MCF2L2: variants seen among roughly 807,000 people sequenced by gnomAD.
MCF2L2 encodes MCF.2 cell line derived transforming sequence-like 2.
Under a neutral mutation model 150.2 loss-of-function variants are expected in MCF2L2, and 102 were observed. The ratio of observed to expected loss-of-function variants is 0.68; its 90% CI spans 0.58 to 0.80. The LOEUF (loss-of-function observed/expected upper bound fraction) is 0.80. MCF2L2 is among the 30% of genes least tolerant of loss of function. The pLI, the probability that MCF2L2 is intolerant of heterozygous loss-of-function variation, is 0.00. For missense variants in MCF2L2, 1,256 were observed against 1,372.8 expected, an observed-to-expected ratio of 0.91 and a Z score of 1.34; for synonymous variants, 465 against 491.3, an observed-to-expected ratio of 0.95 and a Z score of 0.71.
chr3:183,241,462 G>A (rs1724023591), intron 15 of MCF2L2, among the ~76,000 whole-genome samples: 2 of 152,172 alleles, frequency 1.3e-5, no homozygotes, highest in Non-Finnish European at 2.9e-5. Flanking sequence ...GGTTTTTCCT[G>A]TGCTGTTCTC....
chr3:183,361,450 T>A (rs1651028097), intron 3 of MCF2L2, among the ~76,000 whole-genome samples: 1 of 152,144 alleles, frequency 6.6e-6, no homozygotes, highest in African/African-American at 2.4e-5. Flanking sequence ...CCCTTGCTGT[T>A]CTCATGACAG....
intron 1 of MCF2L2, among the ~76,000 whole-genome samples, chr3:183,420,742 G>A (rs753169997): frequency 2.0e-5 from 3 of 152,182 alleles, no homozygotes; most frequent in Non-Finnish European, 2.9e-5. Context: ...GCACATCTTC[G>A]CAAGGCAGCA....
At chr3:183,272,703 A>G in intron 15 of MCF2L2, 1 of 1,015,936 alleles carries the variant, frequency 9.8e-7, no homozygotes, top group Non-Finnish European at 1.2e-6. Flanking sequence ...AGAGAACAAA[A>G]GCATATTTGA....
chr3:183,189,102 G>A (rs1360650391), intron 27 of MCF2L2, among the ~76,000 whole-genome samples: 2 of 152,124 alleles, frequency 1.3e-5, no homozygotes, highest in African/African-American at 2.4e-5. Flanking sequence ...CTGGCATGTC[G>A]GACATTTAAA....
At chr3:183,316,252 A>G (rs1729597190) in intron 7 of MCF2L2, among the ~76,000 whole-genome samples, 1 of 152,188 alleles carries the variant, frequency 6.6e-6, no homozygotes, top group South Asian at 2.1e-4. Context: ...AGGCATTTTC[A>G]GGGAAAATTT....
intron 27 of MCF2L2, among the ~76,000 whole-genome samples, chr3:183,182,235 T>C (rs1395415593): frequency 6.6e-6 from 1 of 152,034 alleles, no homozygotes; most frequent in Non-Finnish European, 1.5e-5. Flanking sequence ...TCCACCTCCC[T>C]GTGGGGGACT....
At chr3:183,403,721 G>A (rs559763102) in intron 1 of MCF2L2, among the ~76,000 whole-genome samples, 18 of 152,222 alleles carry the variant, frequency 1.2e-4, no homozygotes, top group Non-Finnish European at 2.5e-4. Context: ...AGCTTCTACG[G>A]AAATATATGA....
chr3:183,223,202 T>G (rs1449198277), intron 20 of MCF2L2, 144 bp downstream of exon 20: 10 of 606,212 alleles, frequency 1.6e-5, no homozygotes, highest in Non-Finnish European at 2.9e-5. Context: ...TGATTTAGAG[T>G]TGGAGGAAAG....
intron 7 of MCF2L2, among the ~76,000 whole-genome samples, chr3:183,312,651 C>G (rs1729433722): frequency 6.6e-6 from 1 of 152,230 alleles, no homozygotes; most frequent in African/African-American, 2.4e-5. Context: ...ATCACTTCCT[C>G]TAGGCCCAGC....
At chr3:183,268,576 C>T (rs1315665618) in intron 15 of MCF2L2, among the ~76,000 whole-genome samples, 1 of 152,046 alleles carries the variant, frequency 6.6e-6, no homozygotes, top group Non-Finnish European at 1.5e-5. Context: ...TAAAGAGAAA[C>T]AGGAACAGCA....
intron 7 of MCF2L2, among the ~76,000 whole-genome samples, chr3:183,314,686 T>C (rs1004757424): frequency 6.6e-5 from 10 of 151,774 alleles, no homozygotes; most frequent in African/African-American, 7.3e-5. Flanking sequence ...ACAACTTTTA[T>C]AGATAATTAA....
chr3:183,337,189 C>T (rs897274725), intron 5 of MCF2L2, among the ~76,000 whole-genome samples: 8 of 152,108 alleles, frequency 5.3e-5, no homozygotes, highest in Non-Finnish European at 1.2e-4. Context: ...AGCTGATGGA[C>T]ATTCTTGTGT....
chr3:183,312,227 T>G (rs1415003415), intron 7 of MCF2L2, among the ~76,000 whole-genome samples: 5 of 152,268 alleles, frequency 3.3e-5, no homozygotes, highest in Admixed American at 2.6e-4. Context: ...CACCTGCCTC[T>G]CCCTCCACCT....
chr3:183,288,304 C>A (rs895392523), intron 14 of MCF2L2, among the ~76,000 whole-genome samples: 9 of 152,080 alleles, frequency 5.9e-5, no homozygotes, highest in African/African-American at 2.2e-4. Flanking sequence ...TATTAAGTCA[C>A]ATGAGGTTGC....
chr3:183,232,324 C>T (rs1286449719), intron 15 of MCF2L2, among the ~76,000 whole-genome samples: 1 of 152,122 alleles, frequency 6.6e-6, no homozygotes, highest in African/African-American at 2.4e-5. Flanking sequence ...ACACAGCCAG[C>T]CAACACCTTG....
intron 15 of MCF2L2, among the ~76,000 whole-genome samples, chr3:183,238,676 T>C (rs912295602): frequency 6.6e-6 from 1 of 151,354 alleles, no homozygotes; most frequent in Admixed American, 6.6e-5. Context: ...TGGACACCCC[T>C]GTTCCAAAGC....
At chr3:183,232,657 T>A (rs1723612302) in intron 15 of MCF2L2, among the ~76,000 whole-genome samples, 3 of 152,096 alleles carry the variant, frequency 2.0e-5, no homozygotes, top group Non-Finnish European at 4.4e-5. Context: ...ATGTGACAAA[T>A]GATCCAATAG....
intron 27 of MCF2L2, among the ~76,000 whole-genome samples, chr3:183,192,053 G>A (rs1405166316): frequency 2.0e-5 from 3 of 150,488 alleles, no homozygotes; most frequent in Admixed American, 6.6e-5. Context: ...GTTTCACTGT[G>A]TTAGCCAGGG....
At chr3:183,301,309 T>C (rs902281339) in intron 10 of MCF2L2, among the ~76,000 whole-genome samples, 1 of 152,174 alleles carries the variant, frequency 6.6e-6, no homozygotes, top group African/African-American at 2.4e-5. Flanking sequence ...GCTTACATTT[T>C]AATGGGAGAC....
Sources: allele counts gnomAD v4.1 joint callset (sites outside exome capture counted in the v4.1 genomes callset), GRCh38; gene constraint gnomAD v4.1.1; transcripts MANE v1.5; gene names NCBI Gene and HGNC (gene_info 2026-07-23, HGNC 2026-07-21).